The following RRAGD variants were observed in gnomAD, a reference collection of about 807,000 sequenced individuals.
The protein encoded by RRAGD is ras-related GTP-binding protein D.
Under a neutral mutation model 35.5 loss-of-function variants are expected in RRAGD, and 12 were observed. The ratio of observed to expected loss-of-function variants is 0.34; its 90% CI spans 0.22 to 0.55. The LOEUF is 0.55. RRAGD is among the 20% of genes least tolerant of loss of function. The pLI is 0.91. For missense variants in RRAGD, 324 were observed against 490.1 expected (o/e 0.66, Z 3.20); for synonymous variants, 155 against 178.9 (o/e 0.87, Z 1.07).
chr6:89,399,054 A>G (rs1049125131), intron 1 of RRAGD, among the ~76,000 whole-genome samples: 4 of 152,186 alleles, frequency 2.6e-5, no homozygotes, highest in Non-Finnish European at 4.4e-5. Context: ...AAAAATATTC[A>G]TGTGTTTATA....
intron 6 of RRAGD, among the ~76,000 whole-genome samples, chr6:89,371,854 C>G (rs1006641744): frequency 1.3e-5 from 2 of 152,096 alleles, no homozygotes; most frequent in Non-Finnish European, 2.9e-5. Flanking sequence ...CAAAATAAAA[C>G]TGAATTTGAT....
At chr6:89,369,021 TTCTA>T (rs1160882) in intron 6 of RRAGD, among the ~76,000 whole-genome samples, 16,545 of 152,144 alleles carry the variant, frequency 0.11, 1,025 homozygotes, top group African/African-American at 0.15. Context: ...CAACAATTAT[TTCTA>T]TCTATCAGTG....
intron 1 of RRAGD, among the ~76,000 whole-genome samples, chr6:89,392,957 G>A (rs1562458982): frequency 6.6e-6 from 1 of 152,140 alleles, no homozygotes. Flanking sequence ...GAAGCAAATG[G>A]CCCAAAATCT....
chr6:89,379,111 A>G (rs1427491200), intron 4 of RRAGD, 113 bp downstream of exon 4: 4 of 560,996 alleles, frequency 7.1e-6, no homozygotes, highest in Admixed American at 7.1e-5. Flanking sequence ...TAAAAGTAAT[A>G]CTTAAATGAC....
chr6:89,398,778 G>A (rs969289782), intron 1 of RRAGD, among the ~76,000 whole-genome samples: 2 of 152,274 alleles, frequency 1.3e-5, no homozygotes, highest in South Asian at 4.2e-4. Context: ...AGAAATTCTG[G>A]TTTTGGTGGA....
At chr6:89,394,305 T>A (rs572468157) in intron 1 of RRAGD, among the ~76,000 whole-genome samples, 14 of 150,750 alleles carry the variant, frequency 9.3e-5, no homozygotes, top group South Asian at 4.2e-4. Flanking sequence ...TGAAAAAAAA[T>A]TTTTTAAATC....
intron 1 of RRAGD, among the ~76,000 whole-genome samples, chr6:89,396,980 A>G (rs1444111058): frequency 6.6e-6 from 1 of 151,834 alleles, no homozygotes; most frequent in African/African-American, 2.4e-5. Flanking sequence ...ACTTCAAGTG[A>G]TCCACCCACC....
chr6:89,365,973 G>C lies in RRAGD; in HGVS notation c.*2083C>G, dbSNP rs767521869. On this transcript the variant is annotated 3_prime_UTR_variant, in exon 7 of 7. Coordinates refer to ENST00000369415, the MANE Select transcript of RRAGD (RefSeq NM_021244.5). ...TAACCCCTAAGTGTCAGGTCTGTTG[G>C]CAAAGGTCCAACAGGATATAGCTCT... 9.2e-5 allele frequency: 14 copies of C among 152,176 alleles called. No individual in the cohort carries two copies. 9.4% of individuals were successfully genotyped at this position (152,176 alleles called of 1,614,324 possible). A position where few individuals can be genotyped will look rare whatever the true frequency, so the allele number is the denominator to read the frequency against.
At chr6:89,377,155 C>G (rs1054567061) in intron 5 of RRAGD, among the ~76,000 whole-genome samples, 1 of 152,150 alleles carries the variant, frequency 6.6e-6, no homozygotes, top group Non-Finnish European at 1.5e-5. Context: ...ATCAATCATT[C>G]ATGTTATTGG....
chr6:89,388,084 G>A (rs1189419346), intron 1 of RRAGD, among the ~76,000 whole-genome samples: 1 of 152,150 alleles, frequency 6.6e-6, no homozygotes, highest in Non-Finnish European at 1.5e-5. Flanking sequence ...AAGCCACGAA[G>A]GCCTGGAAAA....
intron 5 of RRAGD, among the ~76,000 whole-genome samples, chr6:89,375,200 C>T (rs1340527886): frequency 6.6e-6 from 1 of 152,036 alleles, no homozygotes; most frequent in Non-Finnish European, 1.5e-5. Flanking sequence ...CACTGACTGT[C>T]TCTAGGTGGT....
chr6:89,411,829 G>A lies in RRAGD; in HGVS notation c.148+17C>T. 1.9e-6 allele frequency: 3 copies of A among 1,544,334 alleles called. No homozygotes were observed. The highest frequency in any genetic ancestry group is 2.6e-6 in the Non-Finnish European group (3 of 1,149,112). ...GGAAAGGGGCGCGAGCCGAGGACGC[G>A]GGGGCCGGGCGCTCACCTCCCTCCT... On this transcript the variant is annotated intron_variant, in intron 1 of 6. Transcript: ENST00000369415. The surrounding 1 kb of genome is among the most constrained non-coding windows in gnomAD (Gnocchi z 5.6).
chr6:89,395,282 G>C (rs1352988906), intron 1 of RRAGD, among the ~76,000 whole-genome samples: 1 of 152,110 alleles, frequency 6.6e-6, no homozygotes, highest in Non-Finnish European at 1.5e-5. Context: ...ACAACAATTT[G>C]TTGGACATGC....
At chr6:89,410,922 T>C (rs1171823055) in intron 1 of RRAGD, among the ~76,000 whole-genome samples, 1 of 152,180 alleles carries the variant, frequency 6.6e-6, no homozygotes, top group Non-Finnish European at 1.5e-5. Context: ...GAGAATAACA[T>C]CATGTTTAAC....
rs542633815 is a variant in RRAGD at position 89,377,751 on chromosome 6, A to G, written c.822T>C (p.Asp274=). The G allele has an allele frequency of 1.2e-6, 2 of 1,611,460 alleles. No individual in the cohort carries two copies. The highest frequency in any genetic ancestry group is 2.2e-5 in the South Asian group (2 of 90,408). Residue 274 remains aspartate, a synonymous_variant, in exon 5 of 7, where the codon GAT becomes GAC. Coordinates refer to ENST00000369415, the MANE Select transcript of RRAGD (RefSeq NM_021244.5). The part of the protein sequence containing the change: ...DVVSKIYIAT[D]STPVDMQTYE... ...AGGTTTGCATATCCACCGGAGTACT[A>G]TCAGTTGCAATATAAATTTTACTGA...
rs534045055 is a variant in RRAGD, at chr6:89,370,017, G to T, written c.1052-1810C>A. Among the ~76,000 whole-genome samples, 16 of 152,260 alleles carry T rather than the reference G, an allele frequency of 1.1e-4. No individual in the cohort carries two copies. In the East Asian group the frequency reaches 2.9e-3, roughly 28 times the overall value. On this transcript the variant is annotated intron_variant, in intron 6 of 6. Transcript: ENST00000369415. Reference sequence around the variant, plus strand: ...CACCCAGGCACCAGGCACACCAGGAGGCCAGGCACAGCACAGCACTTCGGG... The same window carrying T: ...CACCCAGGCACCAGGCACACCAGGATGCCAGGCACAGCACAGCACTTCGGG...
In RRAGD at chr6:89,367,869, G is replaced by A. The variant is rs1427766341; in HGVS notation, c.*187C>T. On this transcript the variant is annotated 3_prime_UTR_variant, in exon 7 of 7. Transcript: ENST00000369415. The stretch of plus-strand genomic sequence containing the variant: ...ATTTCACATCACTGTTAATATACAA[G>A]TTTTTGCTTCAAAGTGCTTACTTTA... The A allele has an allele frequency of 4.5e-6, 2 of 442,580 alleles. No individual in the cohort carries two copies. Among genetic ancestry groups the A allele is most frequent in the African/African-American group, 2.0e-5 (1 of 49,946 alleles). The allele number at this position is 442,580 out of a possible 1,614,324, so 27.4% of individuals were successfully genotyped here.
chr6:89,386,376 A>T (rs1053769934), intron 2 of RRAGD, among the ~76,000 whole-genome samples: 1 of 152,136 alleles, frequency 6.6e-6, no homozygotes, highest in Non-Finnish European at 1.5e-5. Context: ...AGGATGTAAA[A>T]AACCCAGGGT....
At chr6:89,407,506 T>C (rs1051594444) in intron 1 of RRAGD, among the ~76,000 whole-genome samples, 2 of 151,996 alleles carry the variant, frequency 1.3e-5, no homozygotes, top group African/African-American at 4.8e-5. Flanking sequence ...GGCATTGTGG[T>C]GGGCACCTGT....
Sources: gnomAD v4.1 joint callset for allele counts (sites outside exome capture counted in the v4.1 genomes callset) on GRCh38, gnomAD v4.1.1 for gene constraint, Gnocchi (gnomAD v3.1) non-coding constraint, MANE v1.5 for transcripts, NCBI Gene and HGNC (gene_info 2026-07-23, HGNC 2026-07-21) for gene names.